MARK4: variants seen among roughly 807,000 people sequenced by gnomAD.
MARK4 encodes the protein MAP/microtubule affinity-regulating kinase 4.
In MARK4, 19 loss-of-function variants were observed where a neutral mutation model predicts 81.5. The observed-to-expected ratio is 0.23, with a 90% CI of 0.16 to 0.34. The LOEUF is 0.34. Among genes scored for constraint, MARK4 ranks in the 10% least tolerant of loss-of-function variants. The pLI, the probability that MARK4 is intolerant of heterozygous loss-of-function variation, is 1.00. For synonymous variants in MARK4, 436 were observed against 439.0 expected (o/e 0.99, Z 0.08); for missense variants, 772 against 1,058.8 (o/e 0.73, Z 3.76).
At chr19:45,275,306 A>G (rs760418205) in intron 8 of MARK4, among the ~76,000 whole-genome samples, 26 of 151,864 alleles carry the variant, frequency 1.7e-4, no homozygotes, top group Non-Finnish European at 2.8e-4. Context: ...ACATTTCAAG[A>G]CCACATCTCT....
chr19:45,276,622 A>ATT (rs764253527), intron 8 of MARK4, among the ~76,000 whole-genome samples: 30 of 123,620 alleles, frequency 2.4e-4, no homozygotes, highest in Non-Finnish European at 2.6e-4. Flanking sequence ...CATTTTACAG[A>ATT]TTTTTTTTTT....
chr19:45,275,451 C>G (rs1568495808), intron 8 of MARK4, among the ~76,000 whole-genome samples: 1 of 151,914 alleles, frequency 6.6e-6, no homozygotes, highest in Non-Finnish European at 1.5e-5. Context: ...CGCCACTGCA[C>G]TCCAGCTTCG....
intron 13 of MARK4, among the ~76,000 whole-genome samples, chr19:45,292,524 T>A (rs926750912): frequency 6.6e-6 from 1 of 152,142 alleles, no homozygotes; most frequent in Non-Finnish European, 1.5e-5. Context: ...GCTATTGTTA[T>A]TGCTAAACGA....
chr19:45,302,546 C>G lies in MARK4; in HGVS notation c.2095C>G (p.Leu699Val). Residue 699 changes from leucine to valine, a missense_variant, in exon 17 of 17, where the codon CTG (leucine) becomes GTG (valine). Coordinates refer to ENST00000262891, the MANE Select transcript of MARK4 (RefSeq NM_001199867.2). This position sits in a 1 kb window ranked among gnomAD's most constrained non-coding sequence, Gnocchi z 4.9. ...GCCACAGCCGTTCCTGCTGGCCTGC[C>G]TGCACGGGGGTGCGGGCGGGCCCGA... ...RQPQPFLLACLHGGAGGPEPL... is the reference protein window; with the variant it reads ...RQPQPFLLACVHGGAGGPEPL... The G allele has an allele frequency of 1.3e-6, 2 of 1,597,298 alleles. No homozygotes were observed. The highest frequency in any genetic ancestry group is 1.7e-6 in the Non-Finnish European group (2 of 1,177,896).
chr19:45,262,649 T>C (rs1054716118), intron 2 of MARK4, among the ~76,000 whole-genome samples: 1 of 152,196 alleles, frequency 6.6e-6, no homozygotes, highest in African/African-American at 2.4e-5. Flanking sequence ...AATAAGGATA[T>C]TTCTCTGCAG....
At chr19:45,298,998 C>T (rs868740012) in intron 15 of MARK4, among the ~76,000 whole-genome samples, 3 of 143,618 alleles carry the variant, frequency 2.1e-5, no homozygotes, top group African/African-American at 8.0e-5. Flanking sequence ...ATCACTTGAA[C>T]GCAGGAGGTC....
At chr19:45,285,128 G>A (rs1022732934) in intron 12 of MARK4, among the ~76,000 whole-genome samples, 2 of 151,770 alleles carry the variant, frequency 1.3e-5, no homozygotes, top group Non-Finnish European at 2.9e-5. Flanking sequence ...GCATGGTGGT[G>A]TGCACCTGTA....
chr19:45,294,107 G>A (rs147604431), intron 13 of MARK4, among the ~76,000 whole-genome samples: 34 of 152,200 alleles, frequency 2.2e-4, no homozygotes, highest in Middle Eastern at 6.8e-3. Flanking sequence ...TCCCTGCCTC[G>A]TTTTCCCTCA....
chr19:45,257,741 G>GT (rs1970327406), intron 1 of MARK4, among the ~76,000 whole-genome samples: 1 of 148,202 alleles, frequency 6.7e-6, no homozygotes, highest in South Asian at 2.1e-4. Context: ...CCAGGCTGGA[G>GT]TGCAGCGGCG....
intron 15 of MARK4, 128 bp from the exon 16 acceptor site, chr19:45,299,683 C>G: frequency 1.5e-6 from 1 of 686,868 alleles, no homozygotes; most frequent in Non-Finnish European, 2.3e-6. Flanking sequence ...ATCCTGACTC[C>G]AGGCCCTCAC....
chr19:45,257,197 A>G (rs1286648179), intron 1 of MARK4, among the ~76,000 whole-genome samples: 1 of 151,940 alleles, frequency 6.6e-6, no homozygotes, highest in Admixed American at 6.6e-5. Context: ...CCCTGGCTTC[A>G]AGCGATCCTC....
At chr19:45,263,262 G>GA in intron 3 of MARK4, 57 bp from the exon 4 acceptor site, 1 of 1,613,512 alleles carries the variant, frequency 6.2e-7, no homozygotes, top group East Asian at 2.2e-5. Flanking sequence ...CTGGGGAAAG[G>GA]ATCCCCCAAG....
intron 1 of MARK4, among the ~76,000 whole-genome samples, chr19:45,257,383 C>CTTTT (rs35210904): frequency 1.8e-4 from 22 of 124,358 alleles, no homozygotes; most frequent in Non-Finnish European, 2.6e-4. Context: ...TTTTCTTTCT[C>CTTTT]TTTTTTTTTT....
At chr19:45,300,343 T>TAAAAAAAAA (rs1970951426) in intron 16 of MARK4, among the ~76,000 whole-genome samples, 1 of 4,046 alleles carries the variant, frequency 2.5e-4, no homozygotes, top group Admixed American at 6.3e-3. Flanking sequence ...AAACTCCGTC[T>TAAAAAAAAA]GAAAAAAAAA....
intron 1 of MARK4, among the ~76,000 whole-genome samples, chr19:45,257,343 C>T (rs1461690237): frequency 1.3e-5 from 2 of 151,322 alleles, no homozygotes; most frequent in Non-Finnish European, 2.9e-5. Context: ...ATTGCACACT[C>T]AGTAGACTGC....
At chr19:45,300,761 G>A (rs1434568432) in intron 16 of MARK4, among the ~76,000 whole-genome samples, 2 of 152,110 alleles carry the variant, frequency 1.3e-5, no homozygotes, top group South Asian at 2.1e-4. Flanking sequence ...ACTCTCATTG[G>A]TTGGGACTTG....
chr19:45,298,307 C>T (rs1970920339), intron 15 of MARK4: 6 of 1,419,190 alleles, frequency 4.2e-6, no homozygotes, highest in Non-Finnish European at 6.0e-6. Flanking sequence ...TGGGAGGGGG[C>T]TCTGTGGATG....
intron 13 of MARK4, among the ~76,000 whole-genome samples, chr19:45,289,547 G>C (rs940899141): frequency 6.6e-6 from 1 of 151,808 alleles, no homozygotes; most frequent in Non-Finnish European, 1.5e-5. Flanking sequence ...CAAGGTGGGC[G>C]GATCATGAGG....
intron 10 of MARK4, among the ~76,000 whole-genome samples, chr19:45,279,712 C>T (rs1246511254): frequency 6.6e-6 from 1 of 152,130 alleles, no homozygotes; most frequent in East Asian, 1.9e-4. Flanking sequence ...TGCCACATAA[C>T]TAAAATGAAT....
Sources: gnomAD v4.1 joint callset for allele counts (sites outside exome capture counted in the v4.1 genomes callset) on GRCh38, gnomAD v4.1.1 for gene constraint, Gnocchi (gnomAD v3.1) non-coding constraint, MANE v1.5 for transcripts, NCBI Gene and HGNC (gene_info 2026-07-23, HGNC 2026-07-21) for gene names.